Variants in SORCS2 observed in about 807,000 individuals in gnomAD.
SORCS2 encodes the protein sortilin related VPS10 domain containing receptor 2, also known as VPS10 domain-containing receptor SorCS2.
In SORCS2, 100 loss-of-function variants were observed where a neutral mutation model predicts 141.6. The observed-to-expected ratio is 0.71, with a 90% CI of 0.60 to 0.83. SORCS2 has a LOEUF of 0.83. Among genes scored for constraint, SORCS2 ranks in the 40% least tolerant of loss-of-function variants. The probability of loss-of-function intolerance (pLI) is 0.00; values close to 1 mark genes in which losing one functional copy is unlikely to be tolerated. For missense variants in SORCS2, 1,646 were observed against 1,560.2 expected (o/e 1.05, Z -0.93); for synonymous variants, 789 against 676.9 (o/e 1.17, Z -2.57).
chr4:7,278,311 G>C (rs531628393), intron 1 of SORCS2, among the ~76,000 whole-genome samples: 1 of 152,184 alleles, frequency 6.6e-6, no homozygotes, highest in East Asian at 1.9e-4. Flanking sequence ...TGTCTGCCTG[G>C]TTGGGACGAG....
chr4:7,662,142 G>A (rs1722214124), intron 6 of SORCS2, among the ~76,000 whole-genome samples: 1 of 152,174 alleles, frequency 6.6e-6, no homozygotes, highest in African/African-American at 2.4e-5. Context: ...TATGAAATAA[G>A]TGAATGCAGA....
chr4:7,242,600 C>A (rs771890070), intron 1 of SORCS2, among the ~76,000 whole-genome samples: 2 of 152,166 alleles, frequency 1.3e-5, no homozygotes, highest in Non-Finnish European at 2.9e-5. Flanking sequence ...GCTATCATGT[C>A]CTTTGCTCTC....
chr4:7,534,297 G>A (rs1711922098), intron 3 of SORCS2, among the ~76,000 whole-genome samples: 1 of 151,822 alleles, frequency 6.6e-6, no homozygotes, highest in South Asian at 2.1e-4. Context: ...CCTGTGCTGG[G>A]GAGTCCCTAT....
intron 3 of SORCS2, among the ~76,000 whole-genome samples, chr4:7,543,717 C>T (rs1712936350): frequency 8.1e-5 from 1 of 12,412 alleles, no homozygotes; most frequent in Non-Finnish European, 3.0e-4. Context: ...TCCACCCATC[C>T]ACCCATCCAC....
intron 3 of SORCS2, among the ~76,000 whole-genome samples, chr4:7,633,628 G>A (rs1047524738): frequency 3.9e-5 from 6 of 152,184 alleles, no homozygotes; most frequent in African/African-American, 1.4e-4. Context: ...TGGTGAAGAC[G>A]CATAAGTGGA....
chr4:7,643,112 A>G (rs1247925838), intron 4 of SORCS2, among the ~76,000 whole-genome samples: 1 of 152,092 alleles, frequency 6.6e-6, no homozygotes, highest in Non-Finnish European at 1.5e-5. Context: ...CTACCCTCAG[A>G]CTGCCCTGTT....
intron 1 of SORCS2, among the ~76,000 whole-genome samples, chr4:7,355,525 C>A (rs1237149968): frequency 4.6e-5 from 7 of 152,060 alleles, no homozygotes; most frequent in African/African-American, 1.7e-4. Context: ...GACGCAGGGC[C>A]CCAGGTGCCT....
intron 1 of SORCS2, among the ~76,000 whole-genome samples, chr4:7,377,386 G>T (rs1722729089): frequency 6.6e-6 from 1 of 152,054 alleles, no homozygotes; most frequent in South Asian, 2.1e-4. Context: ...TTCTGCCAAG[G>T]GTCTGATTCC....
chr4:7,638,551 T>A, intron 4 of SORCS2, 59 bp downstream of exon 4: 12 of 1,523,524 alleles, frequency 7.9e-6, no homozygotes, highest in Non-Finnish European at 1.1e-5. Flanking sequence ...TCGACCCACC[T>A]GGAGGTGAGT....
intron 3 of SORCS2, among the ~76,000 whole-genome samples, chr4:7,598,475 C>T (rs1366128349): frequency 6.6e-6 from 1 of 152,168 alleles, no homozygotes; most frequent in Admixed American, 6.5e-5. Context: ...AGCCCCTTCT[C>T]CCTCCGCTGT....
intron 1 of SORCS2, among the ~76,000 whole-genome samples, chr4:7,341,072 A>C (rs1158689021): frequency 8.5e-5 from 13 of 152,218 alleles, no homozygotes; most frequent in Non-Finnish European, 1.9e-4. Flanking sequence ...CTCAGAAAGG[A>C]AAATACAGAT....
rs565088304 is a variant in SORCS2 at position 7,712,077 on chromosome 4, C to T, written c.1869-656C>T. ...GAAGGTAACACAGGCCTGTACCATA[C>T]ATGACACCCTAAGTGGCCAGCCTCC... On this transcript the variant is annotated intron_variant, in intron 14 of 26. Transcript: ENST00000507866. Among the ~76,000 whole-genome samples the T allele has an allele frequency of 1.2e-4, 18 of 152,272 alleles. 1 individual carries two copies. In the South Asian group the frequency reaches 3.3e-3, roughly 28 times the overall value.
At position 7,657,577 on chromosome 4, in the gene SORCS2, CTGAA is replaced by C. The variant is rs199811955; in HGVS notation, c.887+3382_887+3385del. 1.1e-3 allele frequency among the ~76,000 whole-genome samples: 172 copies of C among 151,706 alleles called. 1 individual carries two copies. The East Asian group carries it at 0.012, about 11-fold the overall frequency. On this transcript the variant is annotated intron_variant, in intron 5 of 26. Coordinates refer to ENST00000507866, the MANE Select transcript of SORCS2 (RefSeq NM_020777.3). ...AATGAATGAGTGAGCAAGTAACTGACTGAATGAATGAATGAGCGGGTGAGTGAGT... is the reference window on the plus strand; with the variant it reads ...AATGAATGAGTGAGCAAGTAACTGACTGAATGAATGAGCGGGTGAGTGAGT...
intron 16 of SORCS2, 72 bp from the exon 17 acceptor site, chr4:7,715,111 T>G: frequency 6.3e-7 from 1 of 1,587,796 alleles, no homozygotes; most frequent in South Asian, 1.1e-5. Flanking sequence ...TCCCCCAGAT[T>G]TCACCCCAAC....
intron 25 of SORCS2, among the ~76,000 whole-genome samples, chr4:7,734,913 G>A (rs1712042603): frequency 6.6e-6 from 1 of 152,204 alleles, no homozygotes; most frequent in Non-Finnish European, 1.5e-5. Context: ...AGCTGCTTGT[G>A]CCGAGGCTGG....
intron 3 of SORCS2, among the ~76,000 whole-genome samples, chr4:7,542,499 G>T (rs2109590329): frequency 6.6e-6 from 1 of 152,310 alleles, no homozygotes; most frequent in East Asian, 1.9e-4. Flanking sequence ...AGGCTGAGGG[G>T]AGTGAGGCAG....
At chr4:7,274,513 C>G (rs1409325730) in intron 1 of SORCS2, among the ~76,000 whole-genome samples, 1 of 152,154 alleles carries the variant, frequency 6.6e-6, no homozygotes, top group Non-Finnish European at 1.5e-5. Flanking sequence ...AGTACCTCAC[C>G]TGGCTGGAGT....
At chr4:7,302,749 A>C (rs1717513644) in intron 1 of SORCS2, among the ~76,000 whole-genome samples, 1 of 122,734 alleles carries the variant, frequency 8.1e-6, no homozygotes, top group Non-Finnish European at 1.8e-5. Context: ...AGTGTCCGGC[A>C]TCTAGTAGAC....
chr4:7,704,636 C>T (rs896147855), intron 14 of SORCS2, among the ~76,000 whole-genome samples: 2 of 152,244 alleles, frequency 1.3e-5, no homozygotes, highest in African/African-American at 4.8e-5. Flanking sequence ...GAGGCTGCAG[C>T]ACTGGCCCTG....
Sources: gnomAD v4.1 joint callset for allele counts (sites outside exome capture counted in the v4.1 genomes callset) on GRCh38, gnomAD v4.1.1 for gene constraint, MANE v1.5 for transcripts, NCBI Gene and HGNC (gene_info 2026-07-23, HGNC 2026-07-21) for gene names.